RGS3: variants seen among roughly 807,000 people sequenced by gnomAD.
RGS3 encodes the protein regulator of G protein signaling 3.
RGS3 carries 80 observed loss-of-function variants against 132.6 expected under a neutral mutation model. The ratio of observed to expected loss-of-function variants is 0.60; its 90% CI spans 0.50 to 0.73. The LOEUF (loss-of-function observed/expected upper bound fraction) is 0.73, where lower values mean the gene tolerates loss of function less well. Among genes scored for constraint, RGS3 ranks in the 30% least tolerant of loss-of-function variants. The probability of loss-of-function intolerance (pLI) is 0.00; values close to 1 mark genes in which losing one functional copy is unlikely to be tolerated. For synonymous variants in RGS3, 598 were observed against 620.6 expected (o/e 0.96, Z 0.54); for missense variants, 1,382 against 1,530.8 (o/e 0.90, Z 1.62).
chr9:113,536,450 C>G, intron 18 of RGS3: 1 of 1,013,634 alleles, frequency 9.9e-7, no homozygotes, highest in Non-Finnish European at 1.2e-6. Flanking sequence ...CTCTGGGCTT[C>G]CCACGTGCTC....
chr9:113,520,542 G>GTT (rs768805637), intron 16 of RGS3, among the ~76,000 whole-genome samples: 17 of 127,398 alleles, frequency 1.3e-4, no homozygotes, highest in Admixed American at 4.0e-4. Flanking sequence ...GGCCTGGGCT[G>GTT]TTTTTTTTTT....
chr9:113,514,602 G>A, exon 15 of RGS3: 1 of 1,614,038 alleles, frequency 6.2e-7, no homozygotes, highest in Non-Finnish European at 8.5e-7. Context: ...TCAAGCTATG[G>A]CACCTACGTC....
chr9:113,505,554 A>C, intron 11 of RGS3, 31 bp downstream of exon 9: 2 of 1,566,412 alleles, frequency 1.3e-6, no homozygotes, highest in Non-Finnish European at 1.8e-6. Flanking sequence ...TGCCAACCCC[A>C]CTTGCCCACC....
chr9:113,503,426 C>G (rs749873540), intron 10 of RGS3: 1 of 152,574 alleles, frequency 6.6e-6, no homozygotes, highest in Non-Finnish European at 1.5e-5. Flanking sequence ...GCTTGCCTCC[C>G]GGCACCCTCT....
chr9:113,447,217 G>A (rs1190453845), intron 1 of RGS3, among the ~76,000 whole-genome samples: 5 of 140,888 alleles, frequency 3.5e-5, no homozygotes, highest in Non-Finnish European at 7.6e-5. Flanking sequence ...AGCCAAGATT[G>A]CACCACTGCA....
intron 19 of RGS3, among the ~76,000 whole-genome samples, chr9:113,562,864 C>T (rs967417964): frequency 1.3e-5 from 2 of 152,234 alleles, no homozygotes; most frequent in African/African-American, 2.4e-5. Context: ...GCCTCAGTTT[C>T]ACTGACTGTA....
intron 16 of RGS3, among the ~76,000 whole-genome samples, chr9:113,518,372 T>G (rs1831781740): frequency 6.6e-6 from 1 of 152,178 alleles, no homozygotes; most frequent in Non-Finnish European, 1.5e-5. Context: ...TCAGGAAACT[T>G]GGAGACAGGA....
Position 113,447,329 on chromosome 9 carries a change from GTATATATATATATATATATA to G in RGS3, c.-13+2415_-13+2434del, listed in dbSNP as rs60991619. On this transcript the variant is annotated intron_variant, in intron 1 of 25. Transcript: ENST00000374140. ...CCAATAAATTCTGATGTATGTATAT[GTATATATATATATATATATA>G]TATATATATATAGGCAAGGGTTGAA... Among the ~76,000 whole-genome samples the G allele has an allele frequency of 6.2e-4, 17 of 27,558 alleles. 1 individual carries two copies. The East Asian group carries it at 0.011, about 18-fold the overall frequency. 18.1% of individuals were successfully genotyped at this position (27,558 alleles called of 152,430 possible).
At chr9:113,501,935 T>C (rs1368547870) in intron 10 of RGS3, among the ~76,000 whole-genome samples, 2 of 152,242 alleles carry the variant, frequency 1.3e-5, no homozygotes, top group African/African-American at 2.4e-5. Flanking sequence ...CCATGGTTGC[T>C]GAGCAGCTGG....
chr9:113,533,655 C>A (rs981014802), intron 18 of RGS3, among the ~76,000 whole-genome samples: 15 of 152,220 alleles, frequency 9.9e-5, no homozygotes, highest in Non-Finnish European at 2.1e-4. Flanking sequence ...TGCTGAAGCC[C>A]ACCCAACTGG....
chr9:113,542,013 A>AAC (rs1056744337), intron 19 of RGS3: 6 of 231,442 alleles, frequency 2.6e-5, no homozygotes, highest in South Asian at 1.6e-4. Context: ...AGTCAATACC[A>AAC]ACACACACAC....
At chr9:113,584,818 G>A (rs560884414) in intron 20 of RGS3, among the ~76,000 whole-genome samples, 3 of 152,338 alleles carry the variant, frequency 2.0e-5, no homozygotes, top group East Asian at 1.9e-4. Flanking sequence ...CATTTATTCC[G>A]TGTCCACATT....
chr9:113,460,157 A>C (rs763004224), upstream of RGS3: 96 of 1,092,878 alleles, frequency 8.8e-5, no homozygotes, highest in Non-Finnish European at 1.1e-4. Context: ...TTCAGAGACA[A>C]GGCTTTGGTC....
chr9:113,576,060 CG>C (rs1210961147), intron 19 of RGS3, among the ~76,000 whole-genome samples: 1 of 151,788 alleles, frequency 6.6e-6, no homozygotes, highest in Non-Finnish European at 1.5e-5. Context: ...ATTAGCCGGG[CG>C]TGGTGGCAGG....
chr9:113,535,228 C>T (rs1186182442), intron 18 of RGS3, among the ~76,000 whole-genome samples: 2 of 151,988 alleles, frequency 1.3e-5, no homozygotes, highest in Non-Finnish European at 2.9e-5. Context: ...GGCTGGGGTA[C>T]AGTGGTGCGA....
chr9:113,459,083 A>G (rs938363269), upstream of RGS3, among the ~76,000 whole-genome samples: 4 of 152,180 alleles, frequency 2.6e-5, no homozygotes, highest in Admixed American at 2.0e-4. Context: ...ATTAACTTCT[A>G]TTCTTACTTT....
intron 19 of RGS3, among the ~76,000 whole-genome samples, chr9:113,578,475 C>A (rs895840094): frequency 6.6e-6 from 1 of 152,106 alleles, no homozygotes; most frequent in Non-Finnish European, 1.5e-5. Flanking sequence ...ATGTAAGTAC[C>A]GCCTCCATCC....
chr9:113,568,455 CA>C (rs1458826177), intron 19 of RGS3, among the ~76,000 whole-genome samples: 1 of 152,236 alleles, frequency 6.6e-6, no homozygotes, highest in Non-Finnish European at 1.5e-5. Flanking sequence ...TCCTTTGTAG[CA>C]ACTAGGGACT....
chr9:113,465,476 T>TGTGTGTGTGC lies in RGS3; in HGVS notation c.415+3280_415+3281insTGTGCGTGTG, dbSNP rs796647799. 1.0e-3 allele frequency among the ~76,000 whole-genome samples: 153 copies of TGTGTGTGTGC among 151,536 alleles called. 2 individuals are homozygous for TGTGTGTGTGC. The highest frequency in any genetic ancestry group is 4.0e-3 in the South Asian group (19 of 4,754). Reference sequence around the variant, plus strand: ...GTGTGTGTGTGTGTGTGTGTGTGTGTGTGTGCCTGTGTGTATTTAGGGGTC... The same window carrying TGTGTGTGTGC: ...GTGTGTGTGTGTGTGTGTGTGTGTGTGTGTGTGTGCGTGTGCCTGTGTGTATTTAGGGGTC... On this transcript the variant is annotated intron_variant, in intron 3 of 24. Coordinates refer to ENST00000350696, the Ensembl canonical transcript of RGS3.
Sources: gnomAD v4.1 joint callset for allele counts (sites outside exome capture counted in the v4.1 genomes callset) on GRCh38, gnomAD v4.1.1 for gene constraint, MANE v1.5 for transcripts, NCBI Gene and HGNC (gene_info 2026-07-23, HGNC 2026-07-21) for gene names.